BMPR1B: variants seen among roughly 807,000 people sequenced by gnomAD.
BMPR1B encodes the protein bone morphogenetic protein receptor type-1B.
Under a neutral mutation model 59.1 loss-of-function variants are expected in BMPR1B, and 12 were observed. That is an observed-to-expected ratio of 0.20 (90% CI 0.13 to 0.33). The LOEUF (loss-of-function observed/expected upper bound fraction) is 0.33. Among genes scored for constraint, BMPR1B ranks in the 10% least tolerant of loss-of-function variants. BMPR1B has a pLI of 1.00. For synonymous variants in BMPR1B, 237 were observed against 207.3 expected, an observed-to-expected ratio of 1.14 and a Z score of -1.23; for missense variants, 550 against 610.9, an observed-to-expected ratio of 0.90 and a Z score of 1.05.
intron 1 of BMPR1B, among the ~76,000 whole-genome samples, chr4:94,772,847 G>A (rs1046076914): frequency 1.2e-4 from 18 of 151,822 alleles, no homozygotes; most frequent in African/African-American, 3.9e-4. Context: ...GCATGTCAAG[G>A]GTATTTCCTT....
chr4:94,874,723 C>T (rs1489408404), intron 1 of BMPR1B, among the ~76,000 whole-genome samples: 1 of 152,064 alleles, frequency 6.6e-6, no homozygotes, highest in Non-Finnish European at 1.5e-5. Flanking sequence ...TGCGGTGGCT[C>T]CTGCCTGTCT....
At chr4:95,058,237 T>C (rs1362122535) in intron 3 of BMPR1B, among the ~76,000 whole-genome samples, 1 of 152,214 alleles carries the variant, frequency 6.6e-6, no homozygotes, top group East Asian at 1.9e-4. Flanking sequence ...AATCAGATTC[T>C]GGGAACTTAA....
chr4:94,857,473 T>C (rs1725804905), intron 1 of BMPR1B, among the ~76,000 whole-genome samples: 1 of 152,184 alleles, frequency 6.6e-6, no homozygotes, highest in African/African-American at 2.4e-5. Context: ...TATAAGATAT[T>C]TAGATGTAAT....
At chr4:95,023,124 A>G (rs984483013) in intron 3 of BMPR1B, among the ~76,000 whole-genome samples, 20 of 152,300 alleles carry the variant, frequency 1.3e-4, no homozygotes, top group African/African-American at 3.1e-4. Context: ...TGTAAAGCCT[A>G]TAAGGCTCAA....
At chr4:95,029,592 T>TA (rs1724679537) in intron 3 of BMPR1B, among the ~76,000 whole-genome samples, 1 of 152,188 alleles carries the variant, frequency 6.6e-6, no homozygotes, top group African/African-American at 2.4e-5. Context: ...CATGTGTCTT[T>TA]ATAGCAGCTT....
intron 1 of BMPR1B, among the ~76,000 whole-genome samples, chr4:94,759,651 A>T (rs75382118): frequency 0.017 from 2,610 of 152,312 alleles, 72 homozygotes; most frequent in African/African-American, 0.058. Context: ...GATCAAGAAG[A>T]ATTATTTCTA....
chr4:94,764,060 G>A (rs575141677), intron 1 of BMPR1B, among the ~76,000 whole-genome samples: 1 of 152,102 alleles, frequency 6.6e-6, no homozygotes, highest in African/African-American at 2.4e-5. Flanking sequence ...TCTTCAATTT[G>A]TCAAGAGTTT....
chr4:94,987,125 T>C (rs1721465228), intron 2 of BMPR1B, among the ~76,000 whole-genome samples: 1 of 144,086 alleles, frequency 6.9e-6, no homozygotes, highest in African/African-American at 2.5e-5. Context: ...AATATGTATA[T>C]ATGTATATGT....
intron 2 of BMPR1B, among the ~76,000 whole-genome samples, chr4:94,922,346 A>G (rs1369431597): frequency 6.6e-6 from 1 of 152,084 alleles, no homozygotes; most frequent in Non-Finnish European, 1.5e-5. Flanking sequence ...TGTATGAGAG[A>G]GAGACTGAGA....
intron 2 of BMPR1B, among the ~76,000 whole-genome samples, chr4:94,943,133 T>C (rs1003040336): frequency 2.0e-5 from 3 of 151,812 alleles, no homozygotes; most frequent in African/African-American, 7.3e-5. Context: ...CCTGGATACA[T>C]CCACTCACTA....
chr4:94,949,825 C>G (rs898662817), intron 2 of BMPR1B, among the ~76,000 whole-genome samples: 3 of 152,092 alleles, frequency 2.0e-5, no homozygotes, highest in African/African-American at 7.2e-5. Flanking sequence ...ATTACTGGGT[C>G]AAATGGTATT....
At chr4:94,854,586 A>T (rs772913424) in intron 1 of BMPR1B, among the ~76,000 whole-genome samples, 1 of 152,192 alleles carries the variant, frequency 6.6e-6, no homozygotes, top group Non-Finnish European at 1.5e-5. Context: ...CTATGCATTT[A>T]TATGTAAAAT....
At chr4:95,111,930 C>T (rs915529379) in intron 4 of BMPR1B, among the ~76,000 whole-genome samples, 1 of 152,068 alleles carries the variant, frequency 6.6e-6, no homozygotes, top group African/African-American at 2.4e-5. Context: ...ATTATCACTG[C>T]TTTGACTTCA....
At chr4:95,125,909 G>A (rs909719952) in intron 8 of BMPR1B, among the ~76,000 whole-genome samples, 1 of 152,028 alleles carries the variant, frequency 6.6e-6, no homozygotes, top group African/African-American at 2.4e-5. Context: ...CCTTCCTGAC[G>A]TCTCCTCCCA....
At chr4:94,983,416 A>G (rs1207812483) in intron 2 of BMPR1B, among the ~76,000 whole-genome samples, 1 of 152,234 alleles carries the variant, frequency 6.6e-6, no homozygotes, top group Non-Finnish European at 1.5e-5. Context: ...TAAACAAATG[A>G]ATAAAAATGC....
At chr4:95,139,636 G>A (rs1028190838) in intron 10 of BMPR1B, among the ~76,000 whole-genome samples, 3 of 152,164 alleles carry the variant, frequency 2.0e-5, no homozygotes, top group Admixed American at 1.3e-4. Flanking sequence ...CCTCAGCCTC[G>A]CTGCCGCCTT....
intron 3 of BMPR1B, among the ~76,000 whole-genome samples, chr4:95,015,800 C>G (rs1723545031): frequency 6.6e-6 from 1 of 151,734 alleles, no homozygotes; most frequent in Non-Finnish European, 1.5e-5. Flanking sequence ...TCAAGTGATT[C>G]TCCTGCCTCA....
chr4:94,949,807 G>C (rs11726485), intron 2 of BMPR1B, among the ~76,000 whole-genome samples: 37,607 of 152,032 alleles, frequency 0.25, 4,679 homozygotes, highest in South Asian at 0.36. Flanking sequence ...TATATACTCA[G>C]TAATGGGATT....
intron 3 of BMPR1B, among the ~76,000 whole-genome samples, chr4:95,005,726 A>T (rs1164462147): frequency 9.2e-5 from 14 of 151,622 alleles, no homozygotes; most frequent in Non-Finnish European, 1.8e-4. Flanking sequence ...TTTTTTTTTT[A>T]AATTTCAACT....
Sources: gnomAD v4.1 joint callset for allele counts (sites outside exome capture counted in the v4.1 genomes callset) on GRCh38, gnomAD v4.1.1 for gene constraint, MANE v1.5 for transcripts, NCBI Gene and HGNC (gene_info 2026-07-23, HGNC 2026-07-21) for gene names.